The following PKN2 variants were observed in gnomAD, a reference collection of about 807,000 sequenced individuals.
The protein encoded by PKN2 is protein kinase N2, also known as serine/threonine-protein kinase N2.
PKN2 carries 38 observed loss-of-function variants against 119.1 expected under a neutral mutation model. That is an observed-to-expected ratio of 0.32 (90% confidence interval 0.25 to 0.42). The LOEUF (loss-of-function observed/expected upper bound fraction) is 0.42. Among genes scored for constraint, PKN2 ranks in the 10% least tolerant of loss-of-function variants. PKN2 has a pLI of 1.00. For missense variants in PKN2, 850 were observed against 1,165.1 expected (o/e 0.73, Z 3.94); for synonymous variants, 390 against 384.9 (o/e 1.01, Z -0.15).
chr1:88,698,905 C>T (rs1472869904), intron 1 of PKN2, among the ~76,000 whole-genome samples: 1 of 151,998 alleles, frequency 6.6e-6, no homozygotes, highest in African/African-American at 2.4e-5. Context: ...CTGGTAGTTT[C>T]CTTTACGACT....
intron 19 of PKN2, among the ~76,000 whole-genome samples, chr1:88,831,217 G>A (rs1570698413): frequency 6.6e-6 from 1 of 151,760 alleles, no homozygotes; most frequent in Admixed American, 6.6e-5. Flanking sequence ...GCTTTCAGTT[G>A]TTAGCCCTGT....
intron 8 of PKN2, among the ~76,000 whole-genome samples, chr1:88,795,232 C>G (rs924684716): frequency 6.6e-5 from 10 of 152,268 alleles, no homozygotes; most frequent in African/African-American, 2.4e-4. Context: ...CTCTCTCTTT[C>G]CTGTTTACAG....
chr1:88,824,643 T>G (rs1672425467), intron 18 of PKN2, among the ~76,000 whole-genome samples: 1 of 152,228 alleles, frequency 6.6e-6, no homozygotes. Flanking sequence ...TGTCACTACT[T>G]TAAGGAAGTA....
intron 1 of PKN2, among the ~76,000 whole-genome samples, chr1:88,719,692 T>C (rs2100702325): frequency 6.6e-6 from 1 of 152,316 alleles, no homozygotes; most frequent in South Asian, 2.1e-4. Context: ...GGAGTTTTTG[T>C]GATAGATCTA....
At chr1:88,775,487 A>G (rs1670055788) in intron 6 of PKN2, among the ~76,000 whole-genome samples, 1 of 152,172 alleles carries the variant, frequency 6.6e-6, no homozygotes, top group Non-Finnish European at 1.5e-5. Context: ...TGGATGTACC[A>G]TAATTTATTT....
chr1:88,729,371 G>A (rs891825191), intron 1 of PKN2, among the ~76,000 whole-genome samples: 4 of 152,170 alleles, frequency 2.6e-5, no homozygotes, highest in African/African-American at 9.7e-5. Flanking sequence ...CTCATCTCAA[G>A]ATTCTTCGGG....
At chr1:88,807,015 GC>G (rs1671569382) in intron 12 of PKN2, among the ~76,000 whole-genome samples, 1 of 152,124 alleles carries the variant, frequency 6.6e-6, no homozygotes, top group South Asian at 2.1e-4. Flanking sequence ...ACCGTGCTCA[GC>G]CCAGTTTTTC....
At chr1:88,793,794 C>G (rs1466665603) in intron 8 of PKN2, among the ~76,000 whole-genome samples, 1 of 152,002 alleles carries the variant, frequency 6.6e-6, no homozygotes, top group African/African-American at 2.4e-5. Flanking sequence ...AATGTAAATG[C>G]TATATAAATT....
intron 1 of PKN2, among the ~76,000 whole-genome samples, chr1:88,700,928 T>TA (rs1666745461): frequency 1.3e-5 from 2 of 152,176 alleles, no homozygotes; most frequent in Admixed American, 1.3e-4. Context: ...TTTTGGTATT[T>TA]ATGAGGGAGC....
intron 16 of PKN2, among the ~76,000 whole-genome samples, chr1:88,818,567 G>A (rs1672110752): frequency 6.6e-6 from 1 of 151,290 alleles, no homozygotes; most frequent in African/African-American, 2.4e-5. Context: ...AGAATTGCTT[G>A]AACCTGGGAG....
chr1:88,796,883 G>A, intron 8 of PKN2, among the ~76,000 whole-genome samples: 1 of 150,984 alleles, frequency 6.6e-6, no homozygotes, highest in East Asian at 1.9e-4. Context: ...GTATTAATGG[G>A]ATGAATGAAA....
At chr1:88,757,033 A>G (rs539526069) in intron 2 of PKN2, among the ~76,000 whole-genome samples, 1 of 152,052 alleles carries the variant, frequency 6.6e-6, no homozygotes, top group African/African-American at 2.4e-5. Context: ...ACTATACTAG[A>G]TATATACTAA....
At chr1:88,760,158 T>A in intron 2 of PKN2, 64 bp from the exon 3 acceptor site, 1 of 929,032 alleles carries the variant, frequency 1.1e-6, no homozygotes, top group South Asian at 1.5e-5. Flanking sequence ...TTGAAAAATA[T>A]TAACTTCCAA....
intron 2 of PKN2, among the ~76,000 whole-genome samples, chr1:88,754,716 G>T (rs942283746): frequency 3.3e-5 from 5 of 152,224 alleles, no homozygotes; most frequent in African/African-American, 1.2e-4. Context: ...GGAGGAATTA[G>T]TCTTGTCTGC....
Position 88,805,602 on chromosome 1 carries a change from C to G in PKN2, c.1607C>G (p.Pro536Arg). Reference sequence around the variant, plus strand: ...GTAAATCATTCTGGCACCTTCAGCCCTCAAGCTCCTGTGCCTACTACAGTG... The same window carrying G: ...GTAAATCATTCTGGCACCTTCAGCCGTCAAGCTCCTGTGCCTACTACAGTG... ...PTVNHSGTFS[P>R]QAPVPTTVPV... Residue 536 changes from proline (P) to arginine (R), a missense_variant, in exon 11 of 22, where the codon CCT (proline) becomes CGT (arginine). By Grantham distance (103) the Pro-to-Arg change is moderately radical. Around this residue, in one of 9 missense-constraint regions of PKN2, gnomAD observed 216 missense variants for 252.8 expected, o/e 0.85. Transcript: ENST00000370521. 2 of 1,614,058 alleles carry G rather than the reference C, an allele frequency of 1.2e-6. No homozygotes were observed. Among genetic ancestry groups the G allele is most frequent in the Non-Finnish European group, 1.7e-6 (2 of 1,179,994 alleles).
chr1:88,797,727 CTTG>C (rs987159346), intron 8 of PKN2, among the ~76,000 whole-genome samples: 1 of 152,018 alleles, frequency 6.6e-6, no homozygotes, highest in African/African-American at 2.4e-5. Context: ...CTGTGCCTCA[CTTG>C]TTATTAGGAA....
intron 2 of PKN2, among the ~76,000 whole-genome samples, chr1:88,759,065 T>C (rs1669335374): frequency 6.6e-6 from 1 of 152,214 alleles, no homozygotes; most frequent in South Asian, 2.1e-4. Flanking sequence ...TTTTGACTTT[T>C]TAATAATAGC....
intron 16 of PKN2, among the ~76,000 whole-genome samples, chr1:88,817,134 G>A (rs905568417): frequency 6.6e-6 from 1 of 151,998 alleles, no homozygotes; most frequent in African/African-American, 2.4e-5. Flanking sequence ...GATGAACATC[G>A]ATGCAAAAAT....
Position 88,702,494 on chromosome 1 carries a change from G to C in PKN2, c.48+17866G>C, listed in dbSNP as rs76301876. Among the ~76,000 whole-genome samples, 51 of 152,222 alleles carry C rather than the reference G, an allele frequency of 3.4e-4. 1 individual carries two copies. The highest frequency in any genetic ancestry group is 1.2e-3 in the African/African-American group (51 of 41,530). Reference sequence around the variant, plus strand: ...AAAGTTGGCCTTGATATATTTGCTGGTTCTAAACTTTGGTCAGCAGCTTGA... The same window carrying C: ...AAAGTTGGCCTTGATATATTTGCTGCTTCTAAACTTTGGTCAGCAGCTTGA... On this transcript the variant is annotated intron_variant, in intron 1 of 21. Transcript: ENST00000370521.
Sources: allele counts gnomAD v4.1 joint callset (sites outside exome capture counted in the v4.1 genomes callset), GRCh38; gene constraint gnomAD v4.1.1; regional missense constraint gnomAD v4.1.1; transcripts MANE v1.5; gene names NCBI Gene and HGNC (gene_info 2026-07-23, HGNC 2026-07-21).